OSBPL6: variants seen among roughly 807,000 people sequenced by gnomAD.
OSBPL6 encodes oxysterol-binding protein-related protein 6.
In OSBPL6, 49 loss-of-function variants were observed where a neutral mutation model predicts 125.8. That is an observed-to-expected ratio of 0.39 (90% CI 0.31 to 0.49). The LOEUF (loss-of-function observed/expected upper bound fraction) is 0.49, where lower values mean the gene tolerates loss of function less well. Ranked by LOEUF, OSBPL6 falls within the 20% of genes least tolerant of loss-of-function variation. The probability of loss-of-function intolerance (pLI) is 0.88; values close to 1 mark genes in which losing one functional copy is unlikely to be tolerated. For missense variants in OSBPL6, 986 were observed against 1,135.4 expected (o/e 0.87, Z 1.89); for synonymous variants, 394 against 391.8 (o/e 1.01, Z -0.07).
intron 6 of OSBPL6, 49 bp from the exon 7 acceptor site, chr2:178,332,592 C>G: frequency 7.3e-7 from 1 of 1,365,826 alleles, no homozygotes; most frequent in Non-Finnish European, 1.0e-6. Flanking sequence ...AGTACAGAAA[C>G]ATCAAATCAT....
chr2:178,241,671 C>T (rs2091300455), intron 1 of OSBPL6, among the ~76,000 whole-genome samples: 1 of 152,170 alleles, frequency 6.6e-6, no homozygotes, highest in Non-Finnish European at 1.5e-5. Context: ...CAACCTCGGC[C>T]TCCCAACGTG....
At chr2:178,388,883 C>T in intron 20 of OSBPL6, 126 bp from the exon 21 acceptor site, 1 of 1,022,368 alleles carries the variant, frequency 9.8e-7, no homozygotes. Context: ...GAGAGAATTT[C>T]AAGACACAAA....
chr2:178,368,289 AAG>A (rs545196263), intron 13 of OSBPL6, among the ~76,000 whole-genome samples: 59 of 152,296 alleles, frequency 3.9e-4, no homozygotes, highest in African/African-American at 1.4e-3. Context: ...GATGCGCAGA[AAG>A]GGGCTGTTGC....
chr2:178,328,196 C>G, intron 4 of OSBPL6, 60 bp from the exon 5 acceptor site: 1 of 1,603,462 alleles, frequency 6.2e-7, no homozygotes, highest in Non-Finnish European at 8.5e-7. Context: ...TAAGAATCTG[C>G]TTTAAGTGTG....
chr2:178,244,678 A>T (rs374054478), intron 1 of OSBPL6, among the ~76,000 whole-genome samples: 1 of 152,230 alleles, frequency 6.6e-6, no homozygotes, highest in Admixed American at 6.5e-5. Context: ...GGCATTTGCT[A>T]TGCAGAGGGA....
chr2:178,207,181 A>T (rs1347546168), intron 1 of OSBPL6, among the ~76,000 whole-genome samples: 1 of 152,202 alleles, frequency 6.6e-6, no homozygotes, highest in African/African-American at 2.4e-5. Flanking sequence ...GGCTACTGTA[A>T]TAAATTACCA....
At chr2:178,218,390 TATTAAAAAAAAAAAA>T (rs1384356402) in intron 1 of OSBPL6, among the ~76,000 whole-genome samples, 2 of 119,962 alleles carry the variant, frequency 1.7e-5, no homozygotes, top group Non-Finnish European at 3.3e-5. Context: ...CTGTAAGCAT[TATTAAAAAAAAAAAA>T]ATTAAAAAAA....
intron 20 of OSBPL6, among the ~76,000 whole-genome samples, chr2:178,387,976 C>T (rs1445330878): frequency 6.6e-6 from 1 of 151,692 alleles, no homozygotes; most frequent in Non-Finnish European, 1.5e-5. Flanking sequence ...TGCACTCCAG[C>T]CTGGGTGACA....
intron 1 of OSBPL6, among the ~76,000 whole-genome samples, chr2:178,278,220 C>T (rs1437083054): frequency 1.3e-5 from 2 of 152,302 alleles, no homozygotes; most frequent in African/African-American, 2.4e-5. Context: ...AGCCCACAAA[C>T]GCCAAGCTAG....
intron 15 of OSBPL6, among the ~76,000 whole-genome samples, chr2:178,374,461 G>A (rs1176664750): frequency 6.6e-6 from 1 of 152,220 alleles, no homozygotes; most frequent in African/African-American, 2.4e-5. Flanking sequence ...AACTTGGAAG[G>A]ATAATGTGTA....
intron 15 of OSBPL6, among the ~76,000 whole-genome samples, 168 bp from the exon 16 acceptor site, chr2:178,382,252 T>C (rs544752374): frequency 6.6e-6 from 1 of 152,328 alleles, no homozygotes; most frequent in South Asian, 2.1e-4. Context: ...TCCTATATGC[T>C]AGTTCATGAA....
intron 1 of OSBPL6, among the ~76,000 whole-genome samples, chr2:178,228,258 G>A (rs571197113): frequency 2.8e-4 from 42 of 152,304 alleles, no homozygotes; most frequent in South Asian, 2.7e-3. Flanking sequence ...AGACACGGCC[G>A]GGCGCGGTGG....
chr2:178,347,312 G>A (rs1690815375), intron 11 of OSBPL6, among the ~76,000 whole-genome samples: 1 of 152,046 alleles, frequency 6.6e-6, no homozygotes, highest in Admixed American at 6.5e-5. Flanking sequence ...CCTTTTCCAT[G>A]ATCCTCAACA....
At chr2:178,353,199 T>C (rs1430406953) in intron 12 of OSBPL6, among the ~76,000 whole-genome samples, 1 of 152,170 alleles carries the variant, frequency 6.6e-6, no homozygotes, top group African/African-American at 2.4e-5. Context: ...CTCTAAAGGA[T>C]CACAGCTCCT....
At chr2:178,364,935 T>A (rs1170046723) in intron 13 of OSBPL6, among the ~76,000 whole-genome samples, 1 of 152,120 alleles carries the variant, frequency 6.6e-6, no homozygotes, top group Non-Finnish European at 1.5e-5. Context: ...TCCCAGCACT[T>A]TGGGAGGCCG....
intron 2 of OSBPL6, among the ~76,000 whole-genome samples, chr2:178,304,341 A>G (rs530777167): frequency 6.6e-6 from 1 of 152,314 alleles, no homozygotes; most frequent in South Asian, 2.1e-4. Context: ...GAAACTTATA[A>G]TCATGGCAGA....
intron 4 of OSBPL6, among the ~76,000 whole-genome samples, chr2:178,325,596 A>G (rs1272048117): frequency 6.8e-6 from 1 of 146,638 alleles, no homozygotes; most frequent in Non-Finnish European, 1.5e-5. Context: ...AAGGAAATAG[A>G]GAACAAATAA....
At chr2:178,257,491 G>C (rs1234087104) in intron 1 of OSBPL6, among the ~76,000 whole-genome samples, 1 of 152,032 alleles carries the variant, frequency 6.6e-6, no homozygotes, top group Non-Finnish European at 1.5e-5. Flanking sequence ...AACTTTTTCT[G>C]TCGTAATATA....
At chr2:178,339,163 A>T (rs537528118) in intron 10 of OSBPL6, 69 bp downstream of exon 10, 8 of 895,982 alleles carry the variant, frequency 8.9e-6, no homozygotes, top group Non-Finnish European at 1.4e-5. Flanking sequence ...GGGTTGTTCT[A>T]TGAATATATA....
Sources: gnomAD v4.1 joint callset for allele counts (sites outside exome capture counted in the v4.1 genomes callset) on GRCh38, gnomAD v4.1.1 for gene constraint, MANE v1.5 for transcripts, NCBI Gene and HGNC (gene_info 2026-07-23, HGNC 2026-07-21) for gene names.